The following CTBP1 variants were observed in gnomAD, a reference collection of about 807,000 sequenced individuals.
CTBP1 encodes C-terminal-binding protein 1.
CTBP1 carries 11 observed loss-of-function variants against 42.1 expected under a neutral mutation model. The observed-to-expected ratio is 0.26, with a 90% CI of 0.16 to 0.43. The LOEUF is 0.43. CTBP1 is among the 20% of genes least tolerant of loss of function. The pLI, the probability that CTBP1 is intolerant of heterozygous loss-of-function variation, is 1.00. For missense variants in CTBP1, 399 were observed against 624.3 expected, an observed-to-expected ratio of 0.64 and a Z score of 3.85; for synonymous variants, 324 against 277.1, an observed-to-expected ratio of 1.17 and a Z score of -1.68.
At chr4:1,216,335 C>CA in intron 5 of CTBP1, 130 bp from the exon 6 acceptor site, 2 of 954,348 alleles carry the variant, frequency 2.1e-6, no homozygotes, top group Admixed American at 2.5e-5. Flanking sequence ...CAGCTGTGGT[C>CA]AAGCCAAGGT....
At chr4:1,225,959 G>A (rs1277359698) in intron 4 of CTBP1, among the ~76,000 whole-genome samples, 2 of 152,082 alleles carry the variant, frequency 1.3e-5, no homozygotes, top group Non-Finnish European at 2.9e-5. Context: ...GCTGTGGCCA[G>A]GTCAGAATCT....
chr4:1,221,399 C>T (rs1344543137), intron 5 of CTBP1: 3 of 153,160 alleles, frequency 2.0e-5, no homozygotes, highest in African/African-American at 7.2e-5. Context: ...AATTCCACTC[C>T]TAGGTACAAA....
chr4:1,239,945 G>A (rs1449022631), intron 2 of CTBP1, among the ~76,000 whole-genome samples: 1 of 152,220 alleles, frequency 6.6e-6, no homozygotes, highest in Admixed American at 6.5e-5. Context: ...CCCTCTGCAC[G>A]TGGCCTCCCT....
In CTBP1 at chr4:1,237,412, T is replaced by C. The variant is rs958437677; in HGVS notation, c.162+771A>G. On this transcript the variant is annotated intron_variant, in intron 3 of 9. Coordinates refer to ENST00000382952, the MANE Select transcript of CTBP1 (RefSeq NM_001012614.2). The stretch of plus-strand genomic sequence containing the variant: ...GGAAAACCCCGTGTCCACCTCCTGA[T>C]GGGGCTCAGGACAAACCCCGTGTCC... 5.7e-5 allele frequency: 39 copies of C among 684,086 alleles called. No homozygotes were observed. In the Admixed American group the frequency reaches 7.3e-4, roughly 13 times the overall value. 42.4% of individuals were successfully genotyped at this position (684,086 alleles called of 1,614,324 possible). A position where few individuals can be genotyped will look rare whatever the true frequency, so the allele number is the denominator to read the frequency against.
chr4:1,250,352 T>G, upstream of CTBP1: 1 of 278,126 alleles, frequency 3.6e-6, no homozygotes, highest in Non-Finnish European at 7.3e-6. Context: ...ACCTGGCAGG[T>G]GTCACCAGAG....
chr4:1,231,941 C>T (rs1050719735), intron 3 of CTBP1, among the ~76,000 whole-genome samples: 9 of 152,386 alleles, frequency 5.9e-5, no homozygotes, highest in African/African-American at 1.7e-4. Flanking sequence ...ACCCAGGAGG[C>T]GCACCCCGGT....
At chr4:1,236,398 G>A (rs1437964264) in intron 3 of CTBP1, 9 of 536,492 alleles carry the variant, frequency 1.7e-5, no homozygotes, top group Admixed American at 6.3e-5. Flanking sequence ...TGCCGAGACC[G>A]CCCGTGTGAA....
At chr4:1,215,095 T>G (rs1036135783) in intron 6 of CTBP1, among the ~76,000 whole-genome samples, 7 of 152,078 alleles carry the variant, frequency 4.6e-5, no homozygotes, top group African/African-American at 1.7e-4. Flanking sequence ...CACGGTGGCT[T>G]TTCTTTGGTG....
intron 3 of CTBP1, 48 bp from the exon 4 acceptor site, chr4:1,228,391 G>A (rs777180953): frequency 1.2e-5 from 19 of 1,588,932 alleles, no homozygotes; most frequent in African/African-American, 2.7e-5. Context: ...GAAGACCCTC[G>A]GGCTTGGCCT....
chr4:1,242,406 G>A, intron 1 of CTBP1: 1 of 985,346 alleles, frequency 1.0e-6, no homozygotes, highest in Non-Finnish European at 1.2e-6. Flanking sequence ...GGCAGGCGTG[G>A]GCTGAGACGA....
upstream of CTBP1, chr4:1,249,773 C>A: frequency 6.5e-6 from 2 of 309,508 alleles, no homozygotes; most frequent in Non-Finnish European, 1.3e-5. Flanking sequence ...AAGTTCAGGG[C>A]TGGAGAACCC....
chr4:1,224,962 C>G (rs919930554), intron 5 of CTBP1, among the ~76,000 whole-genome samples: 1 of 150,968 alleles, frequency 6.6e-6, no homozygotes, highest in African/African-American at 2.4e-5. Context: ...CATGTGTGCT[C>G]TGATTTCTGT....
At chr4:1,242,582 C>G (rs374127174) in intron 1 of CTBP1, 2 of 985,484 alleles carry the variant, frequency 2.0e-6, no homozygotes, top group African/African-American at 3.5e-5. Flanking sequence ...GAGACACCAT[C>G]ACAGGGGCTG....
chr4:1,216,390 G>A (rs3755950), intron 5 of CTBP1, 185 bp from the exon 6 acceptor site: 30,939 of 627,266 alleles, frequency 0.049, 1,441 homozygotes, highest in East Asian at 0.19. Context: ...GCTCCAACGC[G>A]CCCACTGCCA....
chr4:1,248,123 G>T lies in CTBP1; in HGVS notation c.-189+793C>A, dbSNP rs541038477. Among the ~76,000 whole-genome samples the T allele has an allele frequency of 7.2e-5, 11 of 152,240 alleles. No homozygotes were observed. The South Asian group carries it at 1.2e-3, about 17-fold the overall frequency. Reference sequence around the variant, plus strand: ...CGGGCCGGCCCAGGACGCGGGCGCTGCAAGATGGCGATGGTGGCAAGCCCG... The same window carrying T: ...CGGGCCGGCCCAGGACGCGGGCGCTTCAAGATGGCGATGGTGGCAAGCCCG... On this transcript the variant is annotated intron_variant, in intron 1 of 9. Coordinates refer to ENST00000382952, the MANE Select transcript of CTBP1 (RefSeq NM_001012614.2).
rs1195263076 is a variant in CTBP1 at position 1,225,476 on chromosome 4, G to T, written c.398C>A (p.Thr133Asn). The T allele has an allele frequency of 3.2e-6, 5 of 1,542,850 alleles. No homozygotes were observed. The highest frequency in any genetic ancestry group is 4.4e-6 in the Non-Finnish European group (5 of 1,146,660). The part of the protein sequence containing the change: ...CHILNLYRRA[T>N]WLHQALREGT... ...CTCCCGCAGCGCCTGGTGCAGCCAG[G>T]TGGCCCGCCGGTACAGGTTCAGGAT... The change falls in exon 5 of 10, where the codon ACC (threonine) becomes AAC (asparagine). Residue 133 changes from threonine (T) to asparagine (N), a missense_variant. Thr to Asn is a moderately conservative substitution (Grantham distance 65, BLOSUM62 0). This residue lies in a region of CTBP1 where 309 missense variants were observed against 497.5 expected (regional missense o/e 0.62). Coordinates refer to ENST00000382952, the MANE Select transcript of CTBP1 (RefSeq NM_001012614.2).
rs778314820 is a variant in CTBP1 at position 1,238,115 on chromosome 4, G to A, written c.162+68C>T. 60 of 1,602,280 alleles carry A rather than the reference G, an allele frequency of 3.7e-5. No individual in the cohort carries two copies. In the Admixed American group the frequency reaches 5.5e-4, roughly 15 times the overall value. ...AGACCTGCTGTGGCCCGGGCCTGCC[G>A]TGCTCCCGTCCCTCCAACTCCCCCC... On this transcript the variant is annotated intron_variant, in intron 3 of 9. Coordinates refer to ENST00000382952, the MANE Select transcript of CTBP1 (RefSeq NM_001012614.2). The surrounding 1 kb of genome is among the most constrained non-coding windows in gnomAD (Gnocchi z 5.9).
intron 5 of CTBP1, among the ~76,000 whole-genome samples, chr4:1,222,050 G>A (rs1560241825): frequency 1.3e-5 from 2 of 152,250 alleles, no homozygotes; most frequent in African/African-American, 2.4e-5. Context: ...CGGATTCCAC[G>A]CTAAGAACAA....
chr4:1,237,746 C>T (rs185297901), intron 3 of CTBP1: 18,504 of 664,840 alleles, frequency 0.028, 393 homozygotes, highest in East Asian at 0.15. Flanking sequence ...GGGAAAACCC[C>T]GTGTCCACCT....
Sources: gnomAD v4.1 joint callset for allele counts (sites outside exome capture counted in the v4.1 genomes callset) on GRCh38, gnomAD v4.1.1 for gene constraint, gnomAD v4.1.1 regional missense constraint, Gnocchi (gnomAD v3.1) non-coding constraint, MANE v1.5 for transcripts, NCBI Gene and HGNC (gene_info 2026-07-23, HGNC 2026-07-21) for gene names.